SUSD4: variants seen among roughly 807,000 people sequenced by gnomAD.
SUSD4 encodes the protein sushi domain containing 4.
A neutral mutation model predicts 50.5 loss-of-function variants in SUSD4; 41 were observed. The ratio of observed to expected loss-of-function variants is 0.81; its 90% CI spans 0.63 to 1.05. The LOEUF is 1.05. Among genes scored for constraint, SUSD4 ranks in the 50% least tolerant of loss-of-function variants. The pLI, the probability that SUSD4 is intolerant of heterozygous loss-of-function variation, is 0.00. For synonymous variants in SUSD4, 257 were observed against 257.3 expected, an observed-to-expected ratio of 1.00 and a Z score of 0.01; for missense variants, 580 against 634.7, an observed-to-expected ratio of 0.91 and a Z score of 0.93.
intron 2 of SUSD4, among the ~76,000 whole-genome samples, chr1:223,331,495 A>T (rs1225109160): frequency 6.6e-6 from 1 of 152,182 alleles, no homozygotes; most frequent in Non-Finnish European, 1.5e-5. Context: ...GGTTGAGCAC[A>T]ACTAAAAGGG....
At chr1:223,233,841 A>G (rs1660048241) in intron 5 of SUSD4, among the ~76,000 whole-genome samples, 1 of 152,138 alleles carries the variant, frequency 6.6e-6, no homozygotes, top group African/African-American at 2.4e-5. Context: ...ATTTTTCTTA[A>G]TGTTTCTTAC....
At chr1:223,245,349 C>G (rs1248329038) in intron 5 of SUSD4, among the ~76,000 whole-genome samples, 1 of 151,494 alleles carries the variant, frequency 6.6e-6, no homozygotes. Context: ...AGGCCCTAAT[C>G]CGATCATAAA....
At chr1:223,266,980 C>G (rs1367966164) in intron 4 of SUSD4, among the ~76,000 whole-genome samples, 1 of 152,212 alleles carries the variant, frequency 6.6e-6, no homozygotes, top group Admixed American at 6.5e-5. Flanking sequence ...GCACCCACCC[C>G]CTCTGTGGGA....
intron 5 of SUSD4, chr1:223,234,822 A>G: frequency 7.8e-7 from 1 of 1,289,620 alleles, no homozygotes; most frequent in Non-Finnish European, 1.0e-6. Flanking sequence ...AACGTTTCTA[A>G]CACCTTCAAA....
In SUSD4 at chr1:223,221,465, C is replaced by T. The variant is rs1659132853; in HGVS notation, c.*727G>A. On this transcript the variant is annotated 3_prime_UTR_variant, in exon 9 of 9. Coordinates refer to ENST00000366878, the MANE Select transcript of SUSD4 (RefSeq NM_017982.4). ...AATGCCATGGATCCATGTGCCACAC[C>T]ATGAATACAAACACTGATGATATGT... The T allele has an allele frequency of 5.3e-6, 1 of 189,716 alleles. No homozygotes were observed. Among genetic ancestry groups the T allele is most frequent in the Admixed American group, 6.1e-5 (1 of 16,340 alleles). 11.8% of individuals were successfully genotyped at this position (189,716 alleles called of 1,614,324 possible). A position where few individuals can be genotyped will look rare whatever the true frequency, so the allele number is the denominator to read the frequency against.
chr1:223,325,428 C>G (rs1666818824), intron 2 of SUSD4, among the ~76,000 whole-genome samples: 1 of 152,122 alleles, frequency 6.6e-6, no homozygotes, highest in African/African-American at 2.4e-5. Context: ...CAAGCTTCAT[C>G]AACATACATA....
chr1:223,222,302 T>C (rs563056303), intron 8 of SUSD4, 82 bp from the exon 9 acceptor site: 2 of 1,435,658 alleles, frequency 1.4e-6, no homozygotes, highest in Non-Finnish European at 9.6e-7. Flanking sequence ...CATTAAAATA[T>C]CTACAGTTTC....
intron 3 of SUSD4, among the ~76,000 whole-genome samples, chr1:223,290,279 T>C (rs901443039): frequency 1.3e-5 from 2 of 152,222 alleles, no homozygotes; most frequent in African/African-American, 4.8e-5. Flanking sequence ...TTCACTGCTA[T>C]GTGACATCGG....
chr1:223,333,893 T>C (rs1415897979), intron 2 of SUSD4, among the ~76,000 whole-genome samples: 3 of 152,120 alleles, frequency 2.0e-5, no homozygotes, highest in African/African-American at 7.2e-5. Flanking sequence ...CGAAAAGCCT[T>C]AGAGAAAAGC....
rs1659724392 is a variant in SUSD4 at position 223,229,160 on chromosome 1, G to A, written c.916+37C>T. The A allele has an allele frequency of 1.3e-6, 2 of 1,568,458 alleles. No individual in the cohort carries two copies. The highest frequency in any genetic ancestry group is 1.7e-6 in the Non-Finnish European group (2 of 1,146,984). On this transcript the variant is annotated intron_variant, in intron 6 of 8. Coordinates refer to ENST00000366878, the MANE Select transcript of SUSD4 (RefSeq NM_017982.4). This position sits in a 1 kb window ranked among gnomAD's most constrained non-coding sequence, Gnocchi z 4.7. ...CACTATGTGCAGATGGTCCAAGGAGGGTCCATCTCCTCCAAGGGTGAGGCC... is the reference window on the plus strand; with the variant it reads ...CACTATGTGCAGATGGTCCAAGGAGAGTCCATCTCCTCCAAGGGTGAGGCC...
intron 3 of SUSD4, among the ~76,000 whole-genome samples, chr1:223,283,062 C>T (rs917331685): frequency 3.9e-5 from 6 of 152,036 alleles, no homozygotes; most frequent in Admixed American, 3.3e-4. Context: ...TTCCTTACAC[C>T]TTATATGAAA....
chr1:223,362,892 T>C (rs1669065524), intron 2 of SUSD4, among the ~76,000 whole-genome samples: 1 of 151,660 alleles, frequency 6.6e-6, no homozygotes, highest in South Asian at 2.1e-4. Flanking sequence ...GCTGAAGGCA[T>C]TGGCAAGAGG....
chr1:223,289,116 T>C (rs1664323172), intron 3 of SUSD4: 1 of 985,354 alleles, frequency 1.0e-6, no homozygotes, highest in Non-Finnish European at 1.2e-6. Flanking sequence ...TTAGTCACTG[T>C]ACTTACTAGG....
At chr1:223,255,632 C>T (rs1273995834) in intron 5 of SUSD4, among the ~76,000 whole-genome samples, 1 of 152,164 alleles carries the variant, frequency 6.6e-6, no homozygotes, top group Non-Finnish European at 1.5e-5. Flanking sequence ...CCTGGCCAAG[C>T]ATTACCTAAC....
At chr1:223,347,635 C>T (rs567577981) in intron 2 of SUSD4, among the ~76,000 whole-genome samples, 25 of 129,268 alleles carry the variant, frequency 1.9e-4, no homozygotes, top group South Asian at 1.7e-3. Context: ...ATTTCATGCA[C>T]GCATTTAAGT....
intron 2 of SUSD4, among the ~76,000 whole-genome samples, chr1:223,304,114 T>C (rs1031971604): frequency 7.2e-5 from 11 of 152,202 alleles, no homozygotes; most frequent in African/African-American, 2.7e-4. Context: ...GTCTTATCCA[T>C]ATGAACAGGC....
Position 223,227,815 on chromosome 1 carries a change from G to A in SUSD4, c.917-77C>T. 1 of 1,506,282 alleles carries A rather than the reference G, an allele frequency of 6.6e-7. No homozygotes were observed. The highest frequency in any genetic ancestry group is 2.0e-5 in the Admixed American group (1 of 49,706). The allele number at this position is 1,506,282 out of a possible 1,614,324, so 93.3% of individuals were successfully genotyped here. ...GCCGAGGTTCCCCGTGGGCTCATTT[G>A]CTGGATTCATCTGGCACAAGAGATG... On this transcript the variant is annotated intron_variant, in intron 6 of 8. Transcript: ENST00000366878. The surrounding 1 kb of genome is among the most constrained non-coding windows in gnomAD (Gnocchi z 4.5).
At chr1:223,236,457 T>G (rs1405730837) in intron 5 of SUSD4, among the ~76,000 whole-genome samples, 5 of 152,186 alleles carry the variant, frequency 3.3e-5, no homozygotes, top group African/African-American at 1.2e-4. Context: ...CATGTTATAC[T>G]CTAAGAGTTT....
chr1:223,319,713 A>T (rs1666456403), intron 2 of SUSD4, among the ~76,000 whole-genome samples: 1 of 152,188 alleles, frequency 6.6e-6, no homozygotes. Flanking sequence ...TTCTGGGGGC[A>T]TGTTTCTTCT....
Sources: allele counts gnomAD v4.1 joint callset (sites outside exome capture counted in the v4.1 genomes callset), GRCh38; gene constraint gnomAD v4.1.1; non-coding constraint Gnocchi (gnomAD v3.1); transcripts MANE v1.5; gene names NCBI Gene and HGNC (gene_info 2026-07-23, HGNC 2026-07-21).